MAN1A1: variants seen among roughly 807,000 people sequenced by gnomAD.
MAN1A1 encodes the protein mannosidase alpha class 1A member 1, also known as mannosyl-oligosaccharide 1,2-alpha-mannosidase IA.
Under a neutral mutation model 70.8 loss-of-function variants are expected in MAN1A1, and 29 were observed. That is an observed-to-expected ratio of 0.41 (90% CI 0.31 to 0.56). The LOEUF is 0.56. Ranked by LOEUF, MAN1A1 falls within the 20% of genes least tolerant of loss-of-function variation. MAN1A1 has a pLI of 0.29. For missense variants in MAN1A1, 747 were observed against 841.3 expected, an observed-to-expected ratio of 0.89 and a Z score of 1.39; for synonymous variants, 349 against 330.1, an observed-to-expected ratio of 1.06 and a Z score of -0.62.
intron 9 of MAN1A1, among the ~76,000 whole-genome samples, chr6:119,193,540 A>G (rs542075594): frequency 6.6e-6 from 1 of 152,310 alleles, no homozygotes; most frequent in Admixed American, 6.5e-5. Flanking sequence ...CTACTTTTTC[A>G]GATATGTGAC....
Position 119,349,128 on chromosome 6 carries a change from G to C in MAN1A1, c.-63C>G, listed in dbSNP as rs923829848. 1.6e-6 allele frequency: 2 copies of C among 1,258,292 alleles called. No homozygotes were observed. Among genetic ancestry groups the C allele is most frequent in the Non-Finnish European group, 2.0e-6 (2 of 1,003,894 alleles). The allele number at this position is 1,258,292 out of a possible 1,614,324, so 77.9% of individuals were successfully genotyped here. On this transcript the variant is annotated 5_prime_UTR_variant, in exon 2 of 13. Transcript: ENST00000368468. ...AGCAGCCAAACTTCGCCGCCGCTGG[G>C]AGTCCGCGGCTGCGGGGCTGGGTCC... is the stretch of plus-strand genomic sequence containing the variant.
At chr6:119,333,581 A>G (rs1773377688) in intron 2 of MAN1A1, among the ~76,000 whole-genome samples, 1 of 152,236 alleles carries the variant, frequency 6.6e-6, no homozygotes, top group Non-Finnish European at 1.5e-5. Flanking sequence ...AGCTAATACT[A>G]AATTAAGCTA....
At chr6:119,185,762 G>T (rs1030893371) in intron 11 of MAN1A1, among the ~76,000 whole-genome samples, 1 of 151,444 alleles carries the variant, frequency 6.6e-6, no homozygotes, top group Non-Finnish European at 1.5e-5. Flanking sequence ...TGTACTTTTA[G>T]TAGAGACGGG....
intron 6 of MAN1A1, among the ~76,000 whole-genome samples, chr6:119,206,764 T>G (rs916322517): frequency 2.0e-5 from 3 of 152,268 alleles, no homozygotes; most frequent in Non-Finnish European, 4.4e-5. Flanking sequence ...ATATCACTGT[T>G]TTATTCCAAT....
At chr6:119,215,633 A>G (rs1774178756) in intron 6 of MAN1A1, among the ~76,000 whole-genome samples, 1 of 152,230 alleles carries the variant, frequency 6.6e-6, no homozygotes, top group African/African-American at 2.4e-5. Context: ...GGCACAAAAT[A>G]TATCTTATGG....
At chr6:119,337,027 C>T (rs1307028338) in intron 2 of MAN1A1, among the ~76,000 whole-genome samples, 4 of 152,094 alleles carry the variant, frequency 2.6e-5, no homozygotes, top group Non-Finnish European at 5.9e-5. Context: ...CGAGTGTTGA[C>T]CTTTAAAGGA....
intron 5 of MAN1A1, among the ~76,000 whole-genome samples, chr6:119,275,657 G>A (rs539234148): frequency 5.4e-4 from 82 of 150,950 alleles, no homozygotes; most frequent in African/African-American, 2.0e-3. Context: ...GGCCAGGCTC[G>A]TCTCAAACTC....
chr6:119,305,777 G>A (rs1391604824), intron 3 of MAN1A1, among the ~76,000 whole-genome samples: 1 of 152,142 alleles, frequency 6.6e-6, no homozygotes, highest in Non-Finnish European at 1.5e-5. Flanking sequence ...AAAGACTTGT[G>A]TAAAGACCTG....
At position 119,290,769 on chromosome 6, in the gene MAN1A1, G is replaced by GA. The variant is rs113131653; in HGVS notation, c.817-7dup. 0.018 allele frequency: 27,097 copies of GA among 1,465,458 alleles called. 71 individuals are homozygous for GA. Among genetic ancestry groups the GA allele is most frequent in the Non-Finnish European group, 0.022 (23,947 of 1,075,148 alleles). The allele number at this position is 1,465,458 out of a possible 1,614,324, so 90.8% of individuals were successfully genotyped here. On this transcript the variant is annotated splice_region_variant and splice_polypyrimidine_tract_variant and intron_variant, in intron 4 of 12. Transcript: ENST00000368468. Reference sequence around the variant, plus strand: ...AAGACAGAAATTTCAGCATTCTATGGAAAAAAAAAATTCAAACATGATGAT... The same window carrying GA: ...AAGACAGAAATTTCAGCATTCTATGGAAAAAAAAAAATTCAAACATGATGAT...
chr6:119,179,682 T>C lies in MAN1A1; in HGVS notation c.*137A>G. The C allele has an allele frequency of 1.3e-6, 1 of 743,406 alleles. No homozygotes were observed. Among genetic ancestry groups the C allele is most frequent in the Non-Finnish European group, 2.1e-6 (1 of 472,554 alleles). 46.1% of individuals were successfully genotyped at this position (743,406 alleles called of 1,614,324 possible). The stretch of plus-strand genomic sequence containing the variant: ...CCACCTATACCTATGATAATAAACA[T>C]AAAAGACTGCAAAACAATTTAAGAA... On this transcript the variant is annotated 3_prime_UTR_variant, in exon 13 of 13. Transcript: ENST00000368468.
chr6:119,348,991 G>A lies in MAN1A1; in HGVS notation c.75C>T (p.Gly25=). The A allele has an allele frequency of 6.9e-7, 1 of 1,439,404 alleles. No individual in the cohort carries two copies. Among genetic ancestry groups the A allele is most frequent in the South Asian group, 1.5e-5 (1 of 65,628 alleles). 89.2% of individuals were successfully genotyped at this position (1,439,404 alleles called of 1,614,324 possible). The change falls in exon 2 of 13, where the codon GGC becomes GGT. Residue 25 remains glycine (G), a synonymous_variant. Coordinates refer to ENST00000368468, the MANE Select transcript of MAN1A1 (RefSeq NM_005907.4). ...CGGGGCCCGACCCCTTCCTGCCACC[G>A]CCGCCGCCGAGCCCCCCGCCCAGGA... ...GGVLGGGLGG[G]GGRKGSGPAA...
intron 8 of MAN1A1, 130 bp downstream of exon 8, chr6:119,201,124 T>C: frequency 1.5e-6 from 1 of 668,246 alleles, no homozygotes; most frequent in East Asian, 2.6e-5. Context: ...AGCCTGTTTA[T>C]TAAAGGAGCC....
In MAN1A1 at chr6:119,185,738, G is replaced by C. The variant is rs371495141; in HGVS notation, c.1719+2667C>G. Among the ~76,000 whole-genome samples, 5 of 151,842 alleles carry C rather than the reference G, an allele frequency of 3.3e-5. No individual in the cohort carries two copies. The South Asian group carries it at 1.0e-3, about 32-fold the overall frequency. ...ACTACAGGCGCCCGCCACCACGCCT[G>C]GTTAATTTTTTTTTGTACTTTTAGT... is the stretch of plus-strand genomic sequence containing the variant. On this transcript the variant is annotated intron_variant, in intron 11 of 12. Transcript: ENST00000368468.
At chr6:119,327,044 A>G (rs1197121891) in intron 2 of MAN1A1, among the ~76,000 whole-genome samples, 1 of 152,138 alleles carries the variant, frequency 6.6e-6, no homozygotes, top group Non-Finnish European at 1.5e-5. Flanking sequence ...ACCTGTGCAC[A>G]TGTTATTTCA....
chr6:119,348,794 C>T lies in MAN1A1; in HGVS notation c.272G>A (p.Gly91Glu), dbSNP rs557552015. ...QPAADHKPGP[G>E]ARAEDAAEGR... ...CTCGGCCGCGTCCTCGGCGCGCGCC[C>T]CGGGCCCGGGCTTGTGGTCGGCGGC... is the stretch of plus-strand genomic sequence containing the variant. The change falls in exon 2 of 13, where the codon GGG (glycine) becomes GAG (glutamate). Residue 91 changes from glycine to glutamate, a missense_variant. Gly to Glu is a moderately conservative substitution (Grantham distance 98). Transcript: ENST00000368468. 454 of 1,422,890 alleles carry T rather than the reference C, an allele frequency of 3.2e-4. 1 individual carries two copies. In the African/African-American group the frequency reaches 6.1e-3, roughly 19 times the overall value. 88.1% of individuals were successfully genotyped at this position (1,422,890 alleles called of 1,614,324 possible).
At chr6:119,225,710 AACAGCCATAAG>A (rs1336808157) in intron 6 of MAN1A1, among the ~76,000 whole-genome samples, 1 of 152,236 alleles carries the variant, frequency 6.6e-6, no homozygotes, top group African/African-American at 2.4e-5. Context: ...AGAAACAATG[AACAGCCATAAG>A]ACGCAAGAAT....
At chr6:119,223,074 AC>A (rs1774409731) in intron 6 of MAN1A1, among the ~76,000 whole-genome samples, 1 of 152,158 alleles carries the variant, frequency 6.6e-6, no homozygotes, top group Non-Finnish European at 1.5e-5. Context: ...GAAATAAGAA[AC>A]AGGAAAAGAA....
At chr6:119,244,108 A>C (rs1775093119) in intron 6 of MAN1A1, among the ~76,000 whole-genome samples, 1 of 152,094 alleles carries the variant, frequency 6.6e-6, no homozygotes, top group East Asian at 1.9e-4. Flanking sequence ...ACACACTTTA[A>C]AAAACCCAAA....
intron 6 of MAN1A1, among the ~76,000 whole-genome samples, chr6:119,208,704 T>C (rs1392837306): frequency 6.6e-6 from 1 of 152,212 alleles, no homozygotes; most frequent in Non-Finnish European, 1.5e-5. Flanking sequence ...GGAGAGATGC[T>C]AACTCTTTTC....
Sources: allele counts gnomAD v4.1 joint callset (sites outside exome capture counted in the v4.1 genomes callset), GRCh38; gene constraint gnomAD v4.1.1; transcripts MANE v1.5; gene names NCBI Gene and HGNC (gene_info 2026-07-23, HGNC 2026-07-21).